IGF2BP3: variants seen among roughly 807,000 people sequenced by gnomAD.
IGF2BP3 encodes insulin-like growth factor 2 mRNA-binding protein 3.
Under a neutral mutation model 73.8 loss-of-function variants are expected in IGF2BP3, and 9 were observed. The ratio of observed to expected loss-of-function variants is 0.12; its 90% CI spans 0.07 to 0.21. The LOEUF is 0.21. Ranked by LOEUF, IGF2BP3 falls within the 10% of genes least tolerant of loss-of-function variation. The pLI is 1.00. For missense variants in IGF2BP3, 542 were observed against 714.0 expected (o/e 0.76, Z 2.75); for synonymous variants, 258 against 256.7 (o/e 1.01, Z -0.05).
At chr7:23,427,876 C>T (rs996180468) in intron 2 of IGF2BP3, among the ~76,000 whole-genome samples, 4 of 151,872 alleles carry the variant, frequency 2.6e-5, no homozygotes, top group African/African-American at 7.3e-5. Context: ...GCATGGTGGC[C>T]GGCATCTGTA....
rs187216998 is a variant in IGF2BP3 at position 23,321,424 on chromosome 7, G to T, written c.1204-2170C>A. Reference sequence around the variant, plus strand: ...CCGCACCTGGCTCGGAGGGTCGTACGCCCACGGAGTCTCGCTGATTGCTAG... The same window carrying T: ...CCGCACCTGGCTCGGAGGGTCGTACTCCCACGGAGTCTCGCTGATTGCTAG... On this transcript the variant is annotated intron_variant, in intron 10 of 14. Transcript: ENST00000258729. Among the ~76,000 whole-genome samples, 29 of 152,190 alleles carry T rather than the reference G, an allele frequency of 1.9e-4. 1 individual carries two copies. The highest frequency in any genetic ancestry group is 1.0e-4 in the Non-Finnish European group (7 of 68,042).
chr7:23,457,389 C>T (rs1336678494), intron 2 of IGF2BP3, among the ~76,000 whole-genome samples: 2 of 151,962 alleles, frequency 1.3e-5, no homozygotes, highest in Admixed American at 6.6e-5. Flanking sequence ...CCCTTGAACC[C>T]GGCAGGTGGA....
intron 3 of IGF2BP3, among the ~76,000 whole-genome samples, chr7:23,366,589 C>G (rs975733092): frequency 6.6e-6 from 1 of 150,920 alleles, no homozygotes; most frequent in African/African-American, 2.4e-5. Context: ...GCAAAAAAAC[C>G]CCTCTAATCC....
At chr7:23,446,511 C>T (rs1365076610) in intron 2 of IGF2BP3, among the ~76,000 whole-genome samples, 2 of 152,026 alleles carry the variant, frequency 1.3e-5, no homozygotes, top group African/African-American at 4.8e-5. Flanking sequence ...GAGCCGAGAT[C>T]GCACCACTGC....
intron 2 of IGF2BP3, among the ~76,000 whole-genome samples, chr7:23,431,535 G>A (rs979286438): frequency 4.6e-5 from 7 of 152,092 alleles, no homozygotes; most frequent in African/African-American, 1.7e-4. Flanking sequence ...ATTGCATCTA[G>A]TGGATTAACA....
chr7:23,361,242 GCAA>G (rs1785219543), intron 5 of IGF2BP3: 1 of 254,542 alleles, frequency 3.9e-6, no homozygotes, highest in South Asian at 6.3e-5. Context: ...ATGTTATTTG[GCAA>G]CAATACCAAG....
intron 3 of IGF2BP3, among the ~76,000 whole-genome samples, chr7:23,395,016 G>C (rs1032548811): frequency 6.6e-5 from 10 of 152,118 alleles, no homozygotes; most frequent in African/African-American, 2.4e-4. Context: ...AGTAATGATG[G>C]GTGTAAGCTC....
intron 2 of IGF2BP3, among the ~76,000 whole-genome samples, chr7:23,425,582 C>T (rs1448778686): frequency 6.6e-6 from 1 of 152,094 alleles, no homozygotes; most frequent in Non-Finnish European, 1.5e-5. Flanking sequence ...CTACATTCCC[C>T]AGGCTGGTCT....
chr7:23,464,665 CAG>C (rs1314897642), intron 2 of IGF2BP3, among the ~76,000 whole-genome samples: 1 of 149,984 alleles, frequency 6.7e-6, no homozygotes, highest in East Asian at 1.9e-4. Context: ...GCCTGGGCAA[CAG>C]AGAGAGACTC....
intron 3 of IGF2BP3, among the ~76,000 whole-genome samples, chr7:23,394,400 G>A (rs999922849): frequency 2.6e-5 from 4 of 152,098 alleles, no homozygotes; most frequent in Non-Finnish European, 5.9e-5. Context: ...CTGGAAGGTC[G>A]AGGCTGCAGT....
intron 10 of IGF2BP3, among the ~76,000 whole-genome samples, chr7:23,322,716 A>G (rs1168998086): frequency 3.3e-5 from 5 of 152,266 alleles, no homozygotes; most frequent in East Asian, 1.9e-4. Context: ...GACTAACAGC[A>G]GATCTCTCAG....
chr7:23,444,392 T>C (rs987954453), intron 2 of IGF2BP3, among the ~76,000 whole-genome samples: 6 of 152,184 alleles, frequency 3.9e-5, no homozygotes, highest in African/African-American at 1.4e-4. Context: ...TAATAGTATT[T>C]AACATATCAC....
At chr7:23,313,055 A>T (rs1198956978) in intron 13 of IGF2BP3, among the ~76,000 whole-genome samples, 1 of 152,238 alleles carries the variant, frequency 6.6e-6, no homozygotes, top group Non-Finnish European at 1.5e-5. Context: ...TATACAAGTG[A>T]ATGGCAAAAC....
At chr7:23,348,090 A>T (rs1368933468) in intron 6 of IGF2BP3, among the ~76,000 whole-genome samples, 1 of 152,210 alleles carries the variant, frequency 6.6e-6, no homozygotes, top group African/African-American at 2.4e-5. Flanking sequence ...GGGCATGCCA[A>T]GAGAGGAGTT....
chr7:23,360,665 T>C (rs1015159845), intron 5 of IGF2BP3, among the ~76,000 whole-genome samples: 3 of 152,244 alleles, frequency 2.0e-5, no homozygotes, highest in African/African-American at 7.2e-5. Context: ...GTAACCTAGC[T>C]GAGCTCCTAC....
chr7:23,388,607 C>CTTTTTT (rs35723715), intron 3 of IGF2BP3, among the ~76,000 whole-genome samples: 1 of 124,020 alleles, frequency 8.1e-6, no homozygotes, highest in South Asian at 2.6e-4. Flanking sequence ...TCTTCTCCAT[C>CTTTTTT]TTTTTTTTTT....
intron 3 of IGF2BP3, among the ~76,000 whole-genome samples, chr7:23,379,903 C>T (rs1030347237): frequency 6.6e-6 from 1 of 152,124 alleles, no homozygotes; most frequent in Non-Finnish European, 1.5e-5. Flanking sequence ...CCATGCATCT[C>T]TTATTGTTAA....
intron 10 of IGF2BP3, 149 bp downstream of exon 10, chr7:23,341,915 A>T: frequency 1.3e-6 from 1 of 772,252 alleles, no homozygotes; most frequent in Non-Finnish European, 1.9e-6. Flanking sequence ...AAATAATCCC[A>T]TGTCTACTCC....
intron 3 of IGF2BP3, among the ~76,000 whole-genome samples, chr7:23,370,856 T>G (rs1785521586): frequency 6.6e-6 from 1 of 152,010 alleles, no homozygotes; most frequent in Non-Finnish European, 1.5e-5. Context: ...TTTTTGTATT[T>G]TTAGTAGAGA....
Sources: allele counts gnomAD v4.1 joint callset (sites outside exome capture counted in the v4.1 genomes callset), GRCh38; gene constraint gnomAD v4.1.1; transcripts MANE v1.5; gene names NCBI Gene and HGNC (gene_info 2026-07-23, HGNC 2026-07-21).